The following FZD3 variants were observed in gnomAD, a reference collection of about 807,000 sequenced individuals.
FZD3 encodes the protein frizzled-3.
Under a neutral mutation model 60.7 loss-of-function variants are expected in FZD3, and 30 were observed. That is an observed-to-expected ratio of 0.49 (90% CI 0.37 to 0.67). The LOEUF is 0.67. Among genes scored for constraint, FZD3 ranks in the 30% least tolerant of loss-of-function variants. The pLI is 0.00. For synonymous variants in FZD3, 246 were observed against 275.2 expected (o/e 0.89, Z 1.05); for missense variants, 605 against 838.7 (o/e 0.72, Z 3.44).
intron 3 of FZD3, among the ~76,000 whole-genome samples, chr8:28,516,777 C>G (rs1439030428): frequency 6.6e-6 from 1 of 151,272 alleles, no homozygotes; most frequent in Non-Finnish European, 1.5e-5. Context: ...TTTTTTTTCT[C>G]TCTTATCTTG....
intron 3 of FZD3, among the ~76,000 whole-genome samples, chr8:28,511,976 A>G (rs1033987840): frequency 5.9e-5 from 9 of 152,168 alleles, no homozygotes; most frequent in African/African-American, 1.9e-4. Context: ...TGGCAGTAGT[A>G]ATTGATTTTT....
intron 3 of FZD3, among the ~76,000 whole-genome samples, chr8:28,503,523 C>G (rs557810813): frequency 6.6e-6 from 1 of 152,072 alleles, no homozygotes; most frequent in African/African-American, 2.4e-5. Context: ...TTTGTCAATG[C>G]GAATTATCTG....
chr8:28,502,929 C>G lies in FZD3; in HGVS notation c.-85C>G, dbSNP rs191586407. On this transcript the variant is annotated 5_prime_UTR_variant, in exon 3 of 8. Coordinates refer to ENST00000240093, the MANE Select transcript of FZD3 (RefSeq NM_017412.4). ...CAGTAAGATACAGAAGAAGTACCTT[C>G]GAGCTGAGACCTGCAGGTGTATAAA... 2 of 806,478 alleles carry G rather than the reference C, an allele frequency of 2.5e-6. No homozygotes were observed. The highest frequency in any genetic ancestry group is 5.2e-5 in the East Asian group (2 of 38,648). The allele number at this position is 806,478 out of a possible 1,614,324, so 50.0% of individuals were successfully genotyped here.
intron 5 of FZD3, among the ~76,000 whole-genome samples, chr8:28,547,748 C>A (rs1447011028): frequency 6.6e-6 from 1 of 152,052 alleles, no homozygotes; most frequent in African/African-American, 2.4e-5. Flanking sequence ...CTTTTATCTG[C>A]CATATAATTT....
chr8:28,521,803 A>G (rs62502457), intron 4 of FZD3, among the ~76,000 whole-genome samples: 4,202 of 152,262 alleles, frequency 0.028, 78 homozygotes, highest in Non-Finnish European at 0.042. Context: ...CAATTGTGTT[A>G]ATATCCTACA....
intron 7 of FZD3, among the ~76,000 whole-genome samples, chr8:28,562,014 A>G (rs1198102170): frequency 6.6e-6 from 1 of 152,214 alleles, no homozygotes; most frequent in Non-Finnish European, 1.5e-5. Flanking sequence ...CTGCTTTTCA[A>G]GATAAGTGCA....
Position 28,555,953 on chromosome 8 carries a change from AC to A in FZD3, c.1770del (p.His590GlnfsTer28), listed in dbSNP as rs1463804902. The A allele has an allele frequency of 6.2e-7, 1 of 1,610,476 alleles. No homozygotes were observed. Among genetic ancestry groups the A allele is most frequent in the Non-Finnish European group, 8.5e-7 (1 of 1,176,886 alleles). ...SKVSSYHGSL[H>X]RSRDGRYTPC... ...GTGAGCAGCTACCACGGCAGCCTCC[AC>A]AGATCACGTGATGGCAGGTGAGTTT... On this transcript the variant is annotated frameshift_variant, in exon 7 of 8. Transcript: ENST00000240093. LOFTEE classifies it high-confidence loss of function.
intron 3 of FZD3, among the ~76,000 whole-genome samples, chr8:28,503,773 G>C (rs976512526): frequency 1.3e-5 from 2 of 152,180 alleles, no homozygotes; most frequent in African/African-American, 4.8e-5. Flanking sequence ...GTAAGCAGTG[G>C]TGGTAATGAC....
intron 5 of FZD3, among the ~76,000 whole-genome samples, chr8:28,528,602 TA>T (rs1423574650): frequency 2.0e-5 from 3 of 152,230 alleles, no homozygotes; most frequent in Non-Finnish European, 4.4e-5. Context: ...CTTCTTTGCA[TA>T]CTGAATATTT....
At chr8:28,524,010 C>T (rs949159800) in intron 4 of FZD3, among the ~76,000 whole-genome samples, 16 of 152,056 alleles carry the variant, frequency 1.1e-4, no homozygotes, top group African/African-American at 2.7e-4. Context: ...ACCAAGGAGG[C>T]GCCTCCTTCC....
At chr8:28,531,513 T>C (rs1804875198) in intron 5 of FZD3, among the ~76,000 whole-genome samples, 1 of 152,178 alleles carries the variant, frequency 6.6e-6, no homozygotes, top group Non-Finnish European at 1.5e-5. Context: ...TCTATTGGAA[T>C]TTTTGCATTG....
Position 28,520,221 on chromosome 8 carries a change from C to CA in FZD3, c.190-403dup, listed in dbSNP as rs199633141. On this transcript the variant is annotated intron_variant, in intron 3 of 7. Transcript: ENST00000240093. ...TGAGACTCCATCTCAAAAAAAACAA[C>CA]AAAAAAAAAAAAAAGGAAGAAAGAA... Among the ~76,000 whole-genome samples the CA allele has an allele frequency of 9.8e-4, 129 of 131,028 alleles. 2 individuals carry two copies. Among genetic ancestry groups the CA allele is most frequent in the African/African-American group, 1.5e-3 (54 of 35,994 alleles). 86.0% of individuals were successfully genotyped at this position (131,028 alleles called of 152,430 possible).
At chr8:28,559,859 C>T (rs1273907740) in intron 7 of FZD3, among the ~76,000 whole-genome samples, 5 of 152,202 alleles carry the variant, frequency 3.3e-5, no homozygotes, top group Non-Finnish European at 7.3e-5. Context: ...ATACCCACTT[C>T]CCAATACTCA....
At chr8:28,518,461 A>G (rs912057122) in intron 3 of FZD3, among the ~76,000 whole-genome samples, 6 of 152,312 alleles carry the variant, frequency 3.9e-5, no homozygotes, top group Non-Finnish European at 8.8e-5. Flanking sequence ...GGGTGTAGTC[A>G]TTCAGGACTT....
chr8:28,496,712 CT>C (rs1376905599), intron 1 of FZD3, among the ~76,000 whole-genome samples: 5 of 152,074 alleles, frequency 3.3e-5, no homozygotes, highest in African/African-American at 4.8e-5. Flanking sequence ...TGAGTTTCCT[CT>C]TTTTGCTTTC....
chr8:28,544,210 A>G (rs112868149), intron 5 of FZD3, among the ~76,000 whole-genome samples: 9 of 152,164 alleles, frequency 5.9e-5, no homozygotes, highest in African/African-American at 9.6e-5. Context: ...AAGCTTCTCA[A>G]CCTGTTTTAT....
intron 7 of FZD3, among the ~76,000 whole-genome samples, chr8:28,558,538 C>A (rs1017978825): frequency 1.3e-5 from 2 of 152,060 alleles, no homozygotes; most frequent in Non-Finnish European, 2.9e-5. Flanking sequence ...TCCAGCGATT[C>A]TCATGCCTCA....
chr8:28,542,241 G>A (rs372310076), intron 5 of FZD3, among the ~76,000 whole-genome samples: 11 of 152,198 alleles, frequency 7.2e-5, no homozygotes, highest in African/African-American at 2.2e-4. Context: ...TTCAGAGACA[G>A]CAAACTTGTT....
intron 5 of FZD3, among the ~76,000 whole-genome samples, chr8:28,535,201 C>T (rs1035487657): frequency 6.6e-6 from 1 of 151,892 alleles, no homozygotes; most frequent in African/African-American, 2.4e-5. Flanking sequence ...TGAGTGTTCT[C>T]GCTGAAAACA....
Sources: gnomAD v4.1 joint callset for allele counts (sites outside exome capture counted in the v4.1 genomes callset) on GRCh38, gnomAD v4.1.1 for gene constraint, MANE v1.5 for transcripts, NCBI Gene and HGNC (gene_info 2026-07-23, HGNC 2026-07-21) for gene names.